CNNM2: variants seen among roughly 807,000 people sequenced by gnomAD.
CNNM2 encodes metal transporter CNNM2.
In CNNM2, 12 loss-of-function variants were observed where a neutral mutation model predicts 66.9. The ratio of observed to expected loss-of-function variants is 0.18; its 90% CI spans 0.11 to 0.29. CNNM2 has a LOEUF of 0.29. CNNM2 is among the 10% of genes least tolerant of loss of function. CNNM2 has a pLI of 1.00. For synonymous variants in CNNM2, 557 were observed against 501.8 expected, an observed-to-expected ratio of 1.11 and a Z score of -1.47; for missense variants, 705 against 1,167.7, an observed-to-expected ratio of 0.60 and a Z score of 5.77.
intron 1 of CNNM2, among the ~76,000 whole-genome samples, chr10:102,970,418 A>G (rs2063530847): frequency 6.6e-6 from 1 of 152,216 alleles, no homozygotes; most frequent in Non-Finnish European, 1.5e-5. Flanking sequence ...TGTGTTACCC[A>G]TGTCTGCTTT....
chr10:103,009,990 C>A (rs1281906237), intron 1 of CNNM2, among the ~76,000 whole-genome samples: 5 of 150,890 alleles, frequency 3.3e-5, no homozygotes, highest in South Asian at 2.1e-4. Flanking sequence ...ACGTATTAAA[C>A]TTCACTAATA....
intron 1 of CNNM2, among the ~76,000 whole-genome samples, chr10:103,015,018 T>C (rs534332699): frequency 1.3e-5 from 2 of 152,334 alleles, no homozygotes; most frequent in South Asian, 4.1e-4. Context: ...TACATAACTT[T>C]AATAAGTCAA....
chr10:103,047,586 G>A (rs367681232), intron 1 of CNNM2, among the ~76,000 whole-genome samples: 27 of 152,250 alleles, frequency 1.8e-4, no homozygotes, highest in East Asian at 3.9e-4. Flanking sequence ...GGGGGAAACC[G>A]GGTGAAGGGT....
At chr10:103,030,128 G>GA (rs1383829403) in intron 1 of CNNM2, among the ~76,000 whole-genome samples, 1 of 152,172 alleles carries the variant, frequency 6.6e-6, no homozygotes, top group African/African-American at 2.4e-5. Flanking sequence ...TGGGGAATTG[G>GA]AAAATGTATG....
At chr10:103,007,620 C>G (rs550278819) in intron 1 of CNNM2, among the ~76,000 whole-genome samples, 2 of 152,300 alleles carry the variant, frequency 1.3e-5, no homozygotes, top group South Asian at 4.1e-4. Flanking sequence ...CGTTTATAGG[C>G]TCTCTGCAAG....
At chr10:103,003,730 G>A (rs1303892039) in intron 1 of CNNM2, among the ~76,000 whole-genome samples, 4 of 151,796 alleles carry the variant, frequency 2.6e-5, no homozygotes, top group Non-Finnish European at 5.9e-5. Context: ...CCAAGATCGC[G>A]CCACTGCACT....
chr10:103,061,815 C>G (rs377730065), intron 4 of CNNM2, among the ~76,000 whole-genome samples: 3 of 152,026 alleles, frequency 2.0e-5, no homozygotes, highest in East Asian at 3.8e-4. Flanking sequence ...GAATGCAGTT[C>G]TAGTTTAAGA....
chr10:102,927,320 T>C (rs1473628404), intron 1 of CNNM2: 2 of 1,613,496 alleles, frequency 1.2e-6, no homozygotes, highest in Admixed American at 3.3e-5. Flanking sequence ...AGTATTGTCT[T>C]TTCATCTCTT....
At position 103,089,493 on chromosome 10, in the gene CNNM2, T is replaced by A; in HGVS notation, c.*12313T>A. ...ACAATTTTGGACCATCTGCAGAGAG[T>A]ACAGATACACAAAACCAAAACAAGT... On this transcript the variant is annotated 3_prime_UTR_variant, in exon 8 of 8. Transcript: ENST00000369878. The A allele has an allele frequency of 8.7e-7, 1 of 1,150,620 alleles. No individual in the cohort carries two copies. Among genetic ancestry groups the A allele is most frequent in the Admixed American group, 3.4e-5 (1 of 29,782 alleles). The allele number at this position is 1,150,620 out of a possible 1,614,324, so 71.3% of individuals were successfully genotyped here. A position where few individuals can be genotyped will look rare whatever the true frequency, so the allele number is the denominator to read the frequency against.
chr10:102,968,899 G>A (rs2063507077), intron 1 of CNNM2, among the ~76,000 whole-genome samples: 1 of 140,844 alleles, frequency 7.1e-6, no homozygotes, highest in Non-Finnish European at 1.5e-5. Context: ...CTTGTGCCCA[G>A]CCAGTGCTGT....
chr10:103,076,884 G>A, intron 7 of CNNM2, 87 bp from the exon 8 acceptor site: 1 of 1,194,686 alleles, frequency 8.4e-7, no homozygotes, highest in Non-Finnish European at 1.2e-6. Context: ...GCTGCTGTGG[G>A]CCTGTCGGGA....
chr10:103,049,650 A>G (rs2065184545), intron 1 of CNNM2, 57 bp from the exon 2 acceptor site: 1 of 1,532,254 alleles, frequency 6.5e-7, no homozygotes, highest in Non-Finnish European at 9.0e-7. Context: ...ATCACATATA[A>G]CATGTCATTC....
intron 1 of CNNM2, among the ~76,000 whole-genome samples, chr10:102,926,803 C>T (rs1845882230): frequency 1.3e-5 from 2 of 151,420 alleles, no homozygotes; most frequent in South Asian, 4.2e-4. Context: ...GCAAGCTCCA[C>T]CTCCTGGGCT....
At chr10:103,011,605 T>C (rs1780953730) in intron 1 of CNNM2, among the ~76,000 whole-genome samples, 1 of 151,850 alleles carries the variant, frequency 6.6e-6, no homozygotes, top group Admixed American at 6.6e-5. Flanking sequence ...AAGCAACTGG[T>C]AACTGTTATT....
intron 1 of CNNM2, among the ~76,000 whole-genome samples, chr10:102,995,383 T>C (rs1285866154): frequency 6.6e-6 from 1 of 150,602 alleles, no homozygotes; most frequent in Non-Finnish European, 1.5e-5. Context: ...CAGCTAATTT[T>C]TGTATTTTTA....
chr10:103,029,861 G>A (rs536190309), intron 1 of CNNM2, among the ~76,000 whole-genome samples: 67 of 128,432 alleles, frequency 5.2e-4, no homozygotes, highest in Admixed American at 4.6e-3. Context: ...GCAAGACTCC[G>A]TCTCAAAAAA....
intron 1 of CNNM2, among the ~76,000 whole-genome samples, chr10:102,987,747 C>T (rs1305869474): frequency 1.3e-5 from 2 of 152,104 alleles, no homozygotes; most frequent in Non-Finnish European, 2.9e-5. Flanking sequence ...GGTTTGCAAC[C>T]TCTGCTCTAA....
intron 1 of CNNM2, among the ~76,000 whole-genome samples, chr10:103,027,999 A>G (rs1436197756): frequency 6.6e-6 from 1 of 152,214 alleles, no homozygotes; most frequent in African/African-American, 2.4e-5. Context: ...GTCTAATTTT[A>G]AAGTTCTTAA....
At chr10:102,952,055 G>A (rs1846857541) in intron 1 of CNNM2, among the ~76,000 whole-genome samples, 1 of 151,850 alleles carries the variant, frequency 6.6e-6, no homozygotes, top group South Asian at 2.1e-4. Context: ...CACCCACCTC[G>A]GCCTCCCAAA....
Sources: allele counts gnomAD v4.1 joint callset (sites outside exome capture counted in the v4.1 genomes callset), GRCh38; gene constraint gnomAD v4.1.1; transcripts MANE v1.5; gene names NCBI Gene and HGNC (gene_info 2026-07-23, HGNC 2026-07-21).